The following PSMD13 variants were observed in gnomAD, a reference collection of about 807,000 sequenced individuals.
The protein encoded by PSMD13 is 26S proteasome non-ATPase regulatory subunit 13.
PSMD13 carries 8 observed loss-of-function variants against 57.4 expected under a neutral mutation model. The ratio of observed to expected loss-of-function variants is 0.14; its 90% CI spans 0.08 to 0.25. The LOEUF (loss-of-function observed/expected upper bound fraction) is 0.25, where lower values mean the gene tolerates loss of function less well. Ranked by LOEUF, PSMD13 falls within the 10% of genes least tolerant of loss-of-function variation. The probability of loss-of-function intolerance (pLI) is 1.00; values close to 1 mark genes in which losing one functional copy is unlikely to be tolerated. For missense variants in PSMD13, 400 were observed against 461.5 expected (o/e 0.87, Z 1.22); for synonymous variants, 193 against 168.2 (o/e 1.15, Z -1.14).
chr11:244,650 CTTGTTT>C lies in PSMD13; in HGVS notation c.310-15_310-10del. 1 of 1,599,178 alleles carries C rather than the reference CTTGTTT, an allele frequency of 6.3e-7. No homozygotes were observed. The highest frequency in any genetic ancestry group is 1.3e-5 in the African/African-American group (1 of 74,192). On this transcript the variant is annotated intron_variant, in intron 5 of 12. Transcript: ENST00000532097. ...GTCAACTGCCCACATTCTGAGGTTT[CTTGTTT>C]TTGTTTTTGATGTCTTAGGTGAAAA...
chr11:250,949 A>G, intron 10 of PSMD13, 84 bp downstream of exon 10: 1 of 1,232,606 alleles, frequency 8.1e-7, no homozygotes, highest in Non-Finnish European at 1.2e-6. Context: ...GCCTGTGCTG[A>G]GCAGTGTGAG....
chr11:246,025 G>C (rs1859640968), intron 6 of PSMD13, among the ~76,000 whole-genome samples: 2 of 152,198 alleles, frequency 1.3e-5, no homozygotes, highest in South Asian at 2.1e-4. Flanking sequence ...CCCCCAGCCA[G>C]GCTCCCTCTC....
intron 2 of PSMD13, among the ~76,000 whole-genome samples, chr11:239,326 G>A (rs1044315955): frequency 6.6e-6 from 1 of 152,172 alleles, no homozygotes; most frequent in Non-Finnish European, 1.5e-5. Flanking sequence ...GCTGATAAGT[G>A]GCAGAAGAGG....
intron 2 of PSMD13, chr11:243,255 T>A: frequency 2.1e-6 from 1 of 470,668 alleles, no homozygotes; most frequent in Non-Finnish European, 4.3e-6. Context: ...AGATAGAGGC[T>A]GCCATTTTCC....
At chr11:245,722 GTGTT>G (rs1362745902) in intron 6 of PSMD13, among the ~76,000 whole-genome samples, 1,903 of 126,932 alleles carry the variant, frequency 0.015, 79 homozygotes, top group African/African-American at 0.053. Context: ...TTGTGTGTGT[GTGTT>G]TGTGTGTGTG....
At chr11:245,472 C>T (rs576772217) in intron 6 of PSMD13, among the ~76,000 whole-genome samples, 2 of 152,318 alleles carry the variant, frequency 1.3e-5, no homozygotes, top group Non-Finnish European at 2.9e-5. Flanking sequence ...ACTGGCATGT[C>T]ACGTGCTATT....
chr11:243,211 A>G (rs6598065), intron 2 of PSMD13: 487,287 of 594,172 alleles, frequency 0.82, 199,574 homozygotes, highest in African/African-American at 0.89. Flanking sequence ...TGCTGCACAC[A>G]ACATTACTGA....
chr11:250,998 C>A, intron 10 of PSMD13, 133 bp downstream of exon 10: 1 of 771,942 alleles, frequency 1.3e-6, no homozygotes, highest in Non-Finnish European at 2.2e-6. Context: ...CCGCTCTCTT[C>A]ACCACCTTCC....
At position 248,807 on chromosome 11, in the gene PSMD13, G is replaced by A. The variant is rs1219753443; in HGVS notation, c.600G>A (p.Leu200=). Residue 200 remains leucine, a synonymous_variant, in exon 8 of 13, where the codon CTG becomes CTA. Coordinates refer to ENST00000532097, the MANE Select transcript of PSMD13 (RefSeq NM_002817.4). The part of the protein sequence containing the change: ...VSEQQERAFT[L]GLAGLLGEGV... The stretch of plus-strand genomic sequence containing the variant: ...AGCAGCAGGAGAGAGCCTTCACGCT[G>A]GGGCTAGCAGGACTTCTCGGCGAGG... 6.2e-7 allele frequency: 1 copy of A among 1,614,204 alleles called. No individual in the cohort carries two copies. The highest frequency in any genetic ancestry group is 1.7e-5 in the Admixed American group (1 of 60,018).
At chr11:248,597 T>C in intron 7 of PSMD13, 179 bp from the exon 8 acceptor site, 1 of 624,246 alleles carries the variant, frequency 1.6e-6, no homozygotes, top group Non-Finnish European at 2.8e-6. Flanking sequence ...CATGTATATA[T>C]GGTTCTTGGT....
Position 244,214 on chromosome 11 carries a change from C to T in PSMD13, c.263C>T (p.Thr88Ile), listed in dbSNP as rs768207709. 6.2e-7 allele frequency: 1 copy of T among 1,610,312 alleles called. No homozygotes were observed. The highest frequency in any genetic ancestry group is 1.1e-5 in the South Asian group (1 of 90,382). ...EIILHVVRQM[T>I]DPNVALTFLE... Reference sequence around the variant, plus strand: ...ATTCTTCATGTAGTTAGACAGATGACTGGTAAGTCTCACTTTGTTTTATAA... The same window carrying T: ...ATTCTTCATGTAGTTAGACAGATGATTGGTAAGTCTCACTTTGTTTTATAA... Residue 88 changes from threonine to isoleucine, a missense_variant and splice_region_variant, in exon 4 of 13, where the codon ACT becomes ATT. Physicochemically the swap from Thr to Ile is moderately conservative, Grantham distance 89. Coordinates refer to ENST00000532097, the MANE Select transcript of PSMD13 (RefSeq NM_002817.4).
At chr11:249,087 T>TC in intron 9 of PSMD13, 30 bp downstream of exon 9, 3 of 1,606,824 alleles carry the variant, frequency 1.9e-6, no homozygotes, top group Non-Finnish European at 2.5e-6. Flanking sequence ...CAGCCCTTAT[T>TC]CCCCCATGTA....
At chr11:239,363 T>C (rs1219339379) in intron 2 of PSMD13, among the ~76,000 whole-genome samples, 6 of 152,240 alleles carry the variant, frequency 3.9e-5, no homozygotes, top group Non-Finnish European at 7.3e-5. Flanking sequence ...TCTGGCTTTT[T>C]TTGAAATTCT....
intron 2 of PSMD13, chr11:243,542 C>T (rs1284977181): frequency 8.7e-6 from 3 of 344,644 alleles, no homozygotes; most frequent in Non-Finnish European, 1.7e-5. Flanking sequence ...TTATGGGATT[C>T]ACCTTCCTTC....
At position 252,750 on chromosome 11, in the gene PSMD13, G is replaced by T; in HGVS notation, c.*150G>T. ...CAGACTGTTCTTGCTCTAAAAACAG[G>T]ACTGTCCCTGATGGGAGCCAGGCCA... On this transcript the variant is annotated 3_prime_UTR_variant, in exon 13 of 13. Transcript: ENST00000532097. The surrounding 1 kb of genome is among the most constrained non-coding windows in gnomAD (Gnocchi z 4.1). The T allele has an allele frequency of 1.5e-6, 1 of 685,368 alleles. No individual in the cohort carries two copies. The highest frequency in any genetic ancestry group is 2.8e-5 in the East Asian group (1 of 35,514). 42.5% of individuals were successfully genotyped at this position (685,368 alleles called of 1,614,324 possible).
At chr11:249,104 C>T (rs748505429) in intron 9 of PSMD13, 47 bp downstream of exon 9, 8 of 1,601,716 alleles carry the variant, frequency 5.0e-6, no homozygotes, top group Middle Eastern at 2.2e-4. Context: ...TGTATCTACT[C>T]GCTCATACAA....
chr11:247,149 G>A (rs1859664945), intron 6 of PSMD13, 128 bp from the exon 7 acceptor site: 2 of 840,722 alleles, frequency 2.4e-6, no homozygotes, highest in Non-Finnish European at 1.8e-6. Context: ...TACAGAGGCT[G>A]AGGTGGGAGG....
rs375185302 is a variant in PSMD13 at position 250,037 on chromosome 11, GAA to G, written c.775-755_775-754del. 6.1e-3 allele frequency among the ~76,000 whole-genome samples: 879 copies of G among 144,380 alleles called. 8 individuals carry two copies. The highest frequency in any genetic ancestry group is 0.021 in the African/African-American group (833 of 39,710). The allele number at this position is 144,380 out of a possible 152,430, so 94.7% of individuals were successfully genotyped here. On this transcript the variant is annotated intron_variant, in intron 9 of 12. Coordinates refer to ENST00000532097, the MANE Select transcript of PSMD13 (RefSeq NM_002817.4). ...AGATGGCTAGTTATAGCAATTTAAA[GAA>G]AAAAAAAAAATCGTAGATGCATGTT...
chr11:251,262 C>T lies in PSMD13; in HGVS notation c.838-284C>T, dbSNP rs1295471776. The T allele has an allele frequency of 4.3e-6, 2 of 470,494 alleles. No homozygotes were observed. Among genetic ancestry groups the T allele is most frequent in the Non-Finnish European group, 3.8e-6 (1 of 263,188 alleles). 29.1% of individuals were successfully genotyped at this position (470,494 alleles called of 1,614,324 possible). A position where few individuals can be genotyped will look rare whatever the true frequency, so the allele number is the denominator to read the frequency against. On this transcript the variant is annotated intron_variant, in intron 10 of 12. Coordinates refer to ENST00000532097, the MANE Select transcript of PSMD13 (RefSeq NM_002817.4). This position sits in a 1 kb window ranked among gnomAD's most constrained non-coding sequence, Gnocchi z 4.6. ...CCTTAGATTTCTGGTTTGCCGTGGT[C>T]ACCCCTGGTCAACCCTGGCAAATTG... is the stretch of plus-strand genomic sequence containing the variant.
Sources: allele counts gnomAD v4.1 joint callset (sites outside exome capture counted in the v4.1 genomes callset), GRCh38; gene constraint gnomAD v4.1.1; non-coding constraint Gnocchi (gnomAD v3.1); transcripts MANE v1.5; gene names NCBI Gene and HGNC (gene_info 2026-07-23, HGNC 2026-07-21).